LRRC7: variants seen among roughly 807,000 people sequenced by gnomAD.
The protein encoded by LRRC7 is leucine rich repeat containing 7.
In LRRC7, 23 loss-of-function variants were observed where a neutral mutation model predicts 175.7. The ratio of observed to expected loss-of-function variants is 0.13; its 90% CI spans 0.09 to 0.19. The LOEUF (loss-of-function observed/expected upper bound fraction) is 0.19. Ranked by LOEUF, LRRC7 falls within the 10% of genes least tolerant of loss-of-function variation. The probability of loss-of-function intolerance (pLI) is 1.00; values close to 1 mark genes in which losing one functional copy is unlikely to be tolerated. For synonymous variants in LRRC7, 685 were observed against 680.9 expected (o/e 1.01, Z -0.09); for missense variants, 1,354 against 1,904.7 (o/e 0.71, Z 5.38).
intron 7 of LRRC7, among the ~76,000 whole-genome samples, chr1:69,860,408 G>A (rs1006943355): frequency 2.6e-5 from 4 of 151,900 alleles, no homozygotes; most frequent in African/African-American, 7.2e-5. Context: ...ACTGAGAAAC[G>A]TGACCAATAT....
chr1:69,856,819 A>C (rs1179183450), intron 7 of LRRC7, among the ~76,000 whole-genome samples: 1 of 152,198 alleles, frequency 6.6e-6, no homozygotes, highest in Non-Finnish European at 1.5e-5. Context: ...AAAAAAGAGA[A>C]TTGTAGACCA....
intron 2 of LRRC7, among the ~76,000 whole-genome samples, chr1:69,684,275 A>C (rs1660846867): frequency 6.6e-6 from 1 of 152,192 alleles, no homozygotes; most frequent in Non-Finnish European, 1.5e-5. Flanking sequence ...GATATTTTAG[A>C]ATGAATGAGA....
intron 1 of LRRC7, among the ~76,000 whole-genome samples, chr1:69,603,277 T>C (rs183285824): frequency 6.6e-6 from 1 of 152,320 alleles, no homozygotes; most frequent in East Asian, 1.9e-4. Context: ...GTCATATTTT[T>C]TGAGGCAATT....
chr1:70,094,592 A>G (rs1204298284), intron 25 of LRRC7, among the ~76,000 whole-genome samples: 4 of 152,188 alleles, frequency 2.6e-5, no homozygotes, highest in African/African-American at 9.6e-5. Flanking sequence ...CTGCAACAGG[A>G]CTTAAGCCCC....
chr1:69,682,865 T>C (rs10489554), intron 2 of LRRC7, among the ~76,000 whole-genome samples: 31,832 of 152,094 alleles, frequency 0.21, 3,491 homozygotes, highest in South Asian at 0.29. Flanking sequence ...CTTTCTCTTT[T>C]CAGCCATTAT....
At position 69,790,541 on chromosome 1, in the gene LRRC7, G is replaced by C. The variant is rs139082941; in HGVS notation, c.304-1502G>C. On this transcript the variant is annotated intron_variant, in intron 3 of 26. Transcript: ENST00000651989. ...GTTATATAATAGTGATCAGACTAGA[G>C]AGTTGTTAGTAAATCTTACCAAAAT... Among the ~76,000 whole-genome samples, 165 of 152,110 alleles carry C rather than the reference G, an allele frequency of 1.1e-3. 1 individual carries two copies. The highest frequency in any genetic ancestry group is 3.5e-3 in the African/African-American group (146 of 41,572).
chr1:70,105,592 A>G (rs888075109), intron 25 of LRRC7, among the ~76,000 whole-genome samples: 1 of 152,178 alleles, frequency 6.6e-6, no homozygotes, highest in Non-Finnish European at 1.5e-5. Context: ...GTACTTCTAC[A>G]TCAGCCATTT....
At chr1:69,869,888 G>C (rs567769025) in intron 7 of LRRC7, among the ~76,000 whole-genome samples, 1 of 152,264 alleles carries the variant, frequency 6.6e-6, no homozygotes, top group Admixed American at 6.5e-5. Flanking sequence ...AATGGATAAA[G>C]CATGGCATGT....
chr1:69,798,692 A>C (rs1383583213), intron 4 of LRRC7, among the ~76,000 whole-genome samples: 1 of 152,150 alleles, frequency 6.6e-6, no homozygotes, highest in East Asian at 1.9e-4. Context: ...TGCTCATCTC[A>C]ATCCCTTCCC....
chr1:69,783,522 C>T (rs1477462234), intron 3 of LRRC7, among the ~76,000 whole-genome samples: 1 of 151,850 alleles, frequency 6.6e-6, no homozygotes, highest in Non-Finnish European at 1.5e-5. Flanking sequence ...TTTGGGAGGC[C>T]GAGGCAGGCA....
intron 2 of LRRC7, among the ~76,000 whole-genome samples, chr1:69,700,591 A>G (rs1448914396): frequency 6.6e-6 from 1 of 152,160 alleles, no homozygotes; most frequent in Non-Finnish European, 1.5e-5. Context: ...TCGCTATTTT[A>G]TAGAATAGCA....
At chr1:70,121,755 C>T in intron 26 of LRRC7, 25 bp from the exon 27 acceptor site, 1 of 1,412,522 alleles carries the variant, frequency 7.1e-7, no homozygotes, top group Non-Finnish European at 1.0e-6. Flanking sequence ...ACATTGATTG[C>T]CCTGTTTTAT....
At chr1:69,691,975 A>G (rs535199167) in intron 2 of LRRC7, among the ~76,000 whole-genome samples, 138 of 152,296 alleles carry the variant, frequency 9.1e-4, no homozygotes, top group Middle Eastern at 3.4e-3. Context: ...TTTTTAAGTA[A>G]TAAAGATTTT....
At chr1:69,821,043 T>A (rs1679232660) in intron 4 of LRRC7, among the ~76,000 whole-genome samples, 1 of 152,210 alleles carries the variant, frequency 6.6e-6, no homozygotes, top group African/African-American at 2.4e-5. Context: ...GACTTTTTAG[T>A]GATCACCATT....
chr1:69,895,463 A>G (rs1217015825), intron 7 of LRRC7, among the ~76,000 whole-genome samples: 1 of 152,184 alleles, frequency 6.6e-6, no homozygotes, highest in Non-Finnish European at 1.5e-5. Flanking sequence ...GTATACTAAT[A>G]AACTCTAAAT....
intron 4 of LRRC7, among the ~76,000 whole-genome samples, chr1:69,795,903 T>A (rs551547935): frequency 9.0e-4 from 130 of 143,962 alleles, no homozygotes; most frequent in African/African-American, 3.6e-3. Context: ...GTAAACAGAT[T>A]TTTTTTGGGT....
At chr1:69,583,199 A>G (rs761099587) in intron 1 of LRRC7, among the ~76,000 whole-genome samples, 1 of 151,956 alleles carries the variant, frequency 6.6e-6, no homozygotes, top group Non-Finnish European at 1.5e-5. Flanking sequence ...TCCCTTTCAC[A>G]TTCAAAACCT....
At chr1:70,057,250 GTTATATA>G (rs1009407998) in intron 23 of LRRC7, among the ~76,000 whole-genome samples, 22 of 152,066 alleles carry the variant, frequency 1.4e-4, no homozygotes, top group African/African-American at 5.1e-4. Flanking sequence ...TTTAGTTTTT[GTTATATA>G]TTATATATTA....
intron 1 of LRRC7, among the ~76,000 whole-genome samples, chr1:69,637,288 C>T (rs1245037): frequency 0.21 from 31,258 of 151,838 alleles, 3,925 homozygotes; most frequent in South Asian, 0.29. Flanking sequence ...GTTTGTTTCA[C>T]GTCAATGTCT....
Sources: gnomAD v4.1 joint callset for allele counts (sites outside exome capture counted in the v4.1 genomes callset) on GRCh38, gnomAD v4.1.1 for gene constraint, MANE v1.5 for transcripts, NCBI Gene and HGNC (gene_info 2026-07-23, HGNC 2026-07-21) for gene names.